Variants in RNFT2 observed in about 807,000 individuals in gnomAD.
RNFT2 encodes E3 ubiquitin-protein ligase RNFT2.
Under a neutral mutation model 53.0 loss-of-function variants are expected in RNFT2, and 36 were observed. That is an observed-to-expected ratio of 0.68 (90% CI 0.52 to 0.90). RNFT2 has a LOEUF of 0.90. Among genes scored for constraint, RNFT2 ranks in the 40% least tolerant of loss-of-function variants. The pLI, the probability that RNFT2 is intolerant of heterozygous loss-of-function variation, is 0.00. For missense variants in RNFT2, 514 were observed against 585.6 expected, an observed-to-expected ratio of 0.88 and a Z score of 1.26; for synonymous variants, 260 against 253.2, an observed-to-expected ratio of 1.03 and a Z score of -0.26.
At position 116,830,646 on chromosome 12, in the gene RNFT2, T is replaced by C. The variant is rs192769331; in HGVS notation, c.883-3146T>C. Among the ~76,000 whole-genome samples the C allele has an allele frequency of 3.5e-3, 536 of 152,246 alleles. 4 individuals are homozygous for C. The highest frequency in any genetic ancestry group is 0.012 in the African/African-American group (511 of 41,562). On this transcript the variant is annotated intron_variant, in intron 7 of 10. Coordinates refer to ENST00000257575, the MANE Select transcript of RNFT2 (RefSeq NM_001382266.1). Reference sequence around the variant, plus strand: ...AGGGCTGGGCGCGGTCGCTCACACCTGTAATTTTAGCACTTTGGGAGGCTG... The same window carrying C: ...AGGGCTGGGCGCGGTCGCTCACACCCGTAATTTTAGCACTTTGGGAGGCTG...
At chr12:116,821,970 G>A (rs1876063141) in intron 7 of RNFT2, among the ~76,000 whole-genome samples, 1 of 151,890 alleles carries the variant, frequency 6.6e-6, no homozygotes, top group Non-Finnish European at 1.5e-5. Context: ...GAGTAGCTGA[G>A]ATTACAGGTG....
intron 10 of RNFT2, among the ~76,000 whole-genome samples, chr12:116,844,115 C>G (rs1350469198): frequency 6.6e-6 from 1 of 152,234 alleles, no homozygotes; most frequent in Non-Finnish European, 1.5e-5. Context: ...CCTTTTCACT[C>G]TGGTTCTTTC....
intron 7 of RNFT2, among the ~76,000 whole-genome samples, chr12:116,803,229 G>T (rs148668942): frequency 6.6e-6 from 1 of 152,202 alleles, no homozygotes. Context: ...AGCAGTGGAG[G>T]TTATAAAGTC....
At chr12:116,832,146 A>ATATATATATATATATATATAT (rs59112507) in intron 7 of RNFT2, among the ~76,000 whole-genome samples, 3 of 71,076 alleles carry the variant, frequency 4.2e-5, no homozygotes, top group East Asian at 4.3e-4. Flanking sequence ...AAAAAAAAAA[A>ATATATATATATATATATATAT]AAATATATAT....
intron 7 of RNFT2, among the ~76,000 whole-genome samples, chr12:116,802,408 T>A (rs1874842501): frequency 6.6e-6 from 1 of 152,180 alleles, no homozygotes; most frequent in Admixed American, 6.5e-5. Flanking sequence ...GCCATGCCCA[T>A]TTATGTATGC....
chr12:116,832,793 G>C (rs1876745771), intron 7 of RNFT2, among the ~76,000 whole-genome samples: 1 of 152,050 alleles, frequency 6.6e-6, no homozygotes, highest in Non-Finnish European at 1.5e-5. Context: ...AACCCCGTAA[G>C]GTGGGAATTC....
At chr12:116,826,656 T>C (rs1177900276) in intron 7 of RNFT2, among the ~76,000 whole-genome samples, 1 of 152,236 alleles carries the variant, frequency 6.6e-6, no homozygotes, top group Non-Finnish European at 1.5e-5. Flanking sequence ...CTAAATTTAT[T>C]TGCTGTGACA....
At chr12:116,832,148 A>ATATATAT (rs56674314) in intron 7 of RNFT2, among the ~76,000 whole-genome samples, 80 of 55,152 alleles carry the variant, frequency 1.5e-3, no homozygotes, top group South Asian at 3.6e-3. Flanking sequence ...AAAAAAAAAA[A>ATATATAT]ATATATATAT....
chr12:116,845,957 A>AT (rs530306684), intron 10 of RNFT2, among the ~76,000 whole-genome samples: 62 of 152,162 alleles, frequency 4.1e-4, no homozygotes, highest in African/African-American at 1.4e-3. Context: ...TAACTGCCAA[A>AT]TGTTCTTCAG....
chr12:116,774,901 A>G (rs933912445), intron 6 of RNFT2, among the ~76,000 whole-genome samples: 2 of 151,928 alleles, frequency 1.3e-5, no homozygotes, highest in Non-Finnish European at 2.9e-5. Context: ...CTGTGCCCCC[A>G]TCAAAGCAGG....
Position 116,750,321 on chromosome 12 carries a change from G to A in RNFT2, c.550+14G>A. On this transcript the variant is annotated intron_variant, in intron 4 of 10. Transcript: ENST00000257575. ...AGCATAAGCTCGGTGAGTTCTGGGG[G>A]CATGGGTGTCCTAGCCATGGGCTTC... The A allele has an allele frequency of 6.3e-7, 1 of 1,585,472 alleles. No homozygotes were observed. The highest frequency in any genetic ancestry group is 8.5e-7 in the Non-Finnish European group (1 of 1,173,030).
chr12:116,754,091 G>A, intron 5 of RNFT2, 31 bp downstream of exon 5: 1 of 1,576,192 alleles, frequency 6.3e-7, no homozygotes. Flanking sequence ...GTCTCCTGTG[G>A]CTGCTGCAAC....
chr12:116,852,159 T>C lies in RNFT2; in HGVS notation c.*2711T>C. ...TGCCTGCCCTATTCCTCCTCCCAAG[T>C]CTGTTCTCTTATTGTCAACCTCAGC... On this transcript the variant is annotated 3_prime_UTR_variant, in exon 11 of 11. Coordinates refer to ENST00000257575, the MANE Select transcript of RNFT2 (RefSeq NM_001382266.1). 1 of 1,104,130 alleles carries C rather than the reference T, an allele frequency of 9.1e-7. No individual in the cohort carries two copies. Among genetic ancestry groups the C allele is most frequent in the Admixed American group, 3.4e-5 (1 of 29,216 alleles). The allele number at this position is 1,104,130 out of a possible 1,614,324, so 68.4% of individuals were successfully genotyped here.
intron 3 of RNFT2, among the ~76,000 whole-genome samples, chr12:116,746,238 A>T (rs1871888444): frequency 6.6e-6 from 1 of 152,148 alleles, no homozygotes; most frequent in Admixed American, 6.5e-5. Flanking sequence ...CCCTGCTCAA[A>T]AAAAAACAAG....
At chr12:116,785,714 A>T (rs545362059) in intron 7 of RNFT2, among the ~76,000 whole-genome samples, 170 of 152,230 alleles carry the variant, frequency 1.1e-3, no homozygotes, top group South Asian at 8.5e-3. Flanking sequence ...AGTTAGCTCA[A>T]TCCTGCCCTG....
In RNFT2 at chr12:116,850,530, G is replaced by A. The variant is rs906163675; in HGVS notation, c.*1082G>A. 6.6e-6 allele frequency: 1 copy of A among 151,914 alleles called. No individual in the cohort carries two copies. The highest frequency in any genetic ancestry group is 1.5e-5 in the Non-Finnish European group (1 of 68,022). The allele number at this position is 151,914 out of a possible 1,614,324, so 9.4% of individuals were successfully genotyped here. ...CTAGGACTTGATGGTGCAGGCTGGG[G>A]AGGAGCCTAGAGATCACTGCCTCCC... On this transcript the variant is annotated 3_prime_UTR_variant, in exon 11 of 11. Transcript: ENST00000257575.
Position 116,740,482 on chromosome 12 carries a change from T to C in RNFT2, c.-16T>C. On this transcript the variant is annotated 5_prime_UTR_variant, in exon 2 of 11. An upstream start codon of the reference 5' UTR is lost. Coordinates refer to ENST00000257575, the MANE Select transcript of RNFT2 (RefSeq NM_001382266.1). ...ATGCCTACCTCCAGTGTCGTCAACA[T>C]GGAGTTCTGAAGTCCATGTGGCTCT... is the stretch of plus-strand genomic sequence containing the variant. The C allele has an allele frequency of 6.4e-7, 1 of 1,571,386 alleles. No homozygotes were observed. Among genetic ancestry groups the C allele is most frequent in the Non-Finnish European group, 8.6e-7 (1 of 1,156,942 alleles).
chr12:116,779,166 C>A (rs1243339040), intron 6 of RNFT2, 29 bp from the exon 7 acceptor site: 1 of 1,613,330 alleles, frequency 6.2e-7, no homozygotes, highest in East Asian at 2.2e-5. Flanking sequence ...CCTAAGGGAA[C>A]CTTCTGACTC....
chr12:116,785,960 G>A (rs1226798999), intron 7 of RNFT2, among the ~76,000 whole-genome samples: 1 of 152,042 alleles, frequency 6.6e-6, no homozygotes, highest in Non-Finnish European at 1.5e-5. Flanking sequence ...GTTGAGGTGG[G>A]AAGATTGCTT....
Sources: gnomAD v4.1 joint callset for allele counts (sites outside exome capture counted in the v4.1 genomes callset) on GRCh38, gnomAD v4.1.1 for gene constraint, MANE v1.5 for transcripts, NCBI Gene and HGNC (gene_info 2026-07-23, HGNC 2026-07-21) for gene names.